GTF3C4: variants seen among roughly 807,000 people sequenced by gnomAD.
GTF3C4 encodes general transcription factor IIIC subunit 4.
In GTF3C4, 28 loss-of-function variants were observed where a neutral mutation model predicts 67.5. The ratio of observed to expected loss-of-function variants is 0.41; its 90% CI spans 0.31 to 0.57. GTF3C4 has a LOEUF of 0.57. Among genes scored for constraint, GTF3C4 ranks in the 20% least tolerant of loss-of-function variants. The probability of loss-of-function intolerance (pLI) is 0.21; values close to 1 mark genes in which losing one functional copy is unlikely to be tolerated. For synonymous variants in GTF3C4, 409 were observed against 393.0 expected, an observed-to-expected ratio of 1.04 and a Z score of -0.48; for missense variants, 831 against 1,033.2, an observed-to-expected ratio of 0.80 and a Z score of 2.68.
intron 2 of GTF3C4, among the ~76,000 whole-genome samples, chr9:132,681,474 T>G (rs1339341882): frequency 6.6e-6 from 1 of 152,212 alleles, no homozygotes; most frequent in Non-Finnish European, 1.5e-5. Flanking sequence ...TGTTGGCTTA[T>G]TAGCAGTTAT....
intron 1 of GTF3C4, 69 bp from the exon 2 acceptor site, chr9:132,677,907 CT>C: frequency 8.1e-7 from 1 of 1,238,254 alleles, no homozygotes; most frequent in Non-Finnish European, 1.1e-6. Flanking sequence ...GACATTCTGA[CT>C]TATTTTAAAA....
At position 132,678,171 on chromosome 9, in the gene GTF3C4, A is replaced by G; in HGVS notation, c.552A>G (p.Ala184=). Residue 184 remains alanine, a synonymous_variant, in exon 2 of 5, where the codon GCA becomes GCG. Transcript: ENST00000372146. The surrounding 1 kb of genome is among the most constrained non-coding windows in gnomAD (Gnocchi z 6.5). ...CDANGRCLLA[A]LTMDNRLTIQ... ...CTAATGGCAGGTGCCTCTTGGCAGCACTGACCATGGACAATCGCCTGACCA... is the reference window on the plus strand; with the variant it reads ...CTAATGGCAGGTGCCTCTTGGCAGCGCTGACCATGGACAATCGCCTGACCA... 6.2e-7 allele frequency: 1 copy of G among 1,614,268 alleles called. No individual in the cohort carries two copies. Among genetic ancestry groups the G allele is most frequent in the South Asian group, 1.1e-5 (1 of 91,088 alleles).
intron 1 of GTF3C4, among the ~76,000 whole-genome samples, chr9:132,676,661 C>T (rs1458546177): frequency 6.6e-6 from 1 of 152,070 alleles, no homozygotes; most frequent in East Asian, 1.9e-4. Context: ...CTCTGATTTT[C>T]TGATACATCC....
Position 132,678,347 on chromosome 9 carries a change from A to G in GTF3C4, c.728A>G (p.His243Arg), listed in dbSNP as rs1835893053. 1 of 1,614,234 alleles carries G rather than the reference A, an allele frequency of 6.2e-7. No individual in the cohort carries two copies. The highest frequency in any genetic ancestry group is 8.5e-7 in the Non-Finnish European group (1 of 1,180,048). Reference protein sequence around the residue: ...LGDFAEFQRRHSMQTPVRMEW... With the variant: ...LGDFAEFQRRRSMQTPVRMEW... ...GATTTTGCTGAGTTTCAGAGGAGACACAGCATGCAGACCCCAGTCAGAATG... is the reference window on the plus strand; with the variant it reads ...GATTTTGCTGAGTTTCAGAGGAGACGCAGCATGCAGACCCCAGTCAGAATG... Residue 243 changes from histidine to arginine, a missense_variant, in exon 2 of 5, where the codon CAC (histidine) becomes CGC (arginine). His to Arg is a conservative substitution (Grantham distance 29). Around this residue, in one of 4 missense-constraint regions of GTF3C4, gnomAD observed 390 missense variants for 540.3 expected, o/e 0.72. Transcript: ENST00000372146. The surrounding 1 kb of genome is among the most constrained non-coding windows in gnomAD (Gnocchi z 6.5).
In GTF3C4 at chr9:132,679,854, T is replaced by C; in HGVS notation, c.2184+51T>C. ...GAAATTGTAAAGCCTGCTTTCTTCA[T>C]GAGAAAGAAATGACCTAAATTGAGT... is the stretch of plus-strand genomic sequence containing the variant. On this transcript the variant is annotated intron_variant, in intron 2 of 4. Coordinates refer to ENST00000372146, the MANE Select transcript of GTF3C4 (RefSeq NM_012204.4). This position sits in a 1 kb window ranked among gnomAD's most constrained non-coding sequence, Gnocchi z 5.9. The C allele has an allele frequency of 6.7e-7, 1 of 1,488,952 alleles. No homozygotes were observed. Among genetic ancestry groups the C allele is most frequent in the Admixed American group, 2.2e-5 (1 of 44,786 alleles). 92.2% of individuals were successfully genotyped at this position (1,488,952 alleles called of 1,614,324 possible).
chr9:132,684,768 A>G (rs140511201), intron 3 of GTF3C4, among the ~76,000 whole-genome samples: 3,217 of 152,244 alleles, frequency 0.021, 112 homozygotes, highest in Non-Finnish European at 0.024. Flanking sequence ...TCCCATTATC[A>G]GTTAGGCCTT....
At chr9:132,688,456 C>T (rs945681271) in intron 4 of GTF3C4, among the ~76,000 whole-genome samples, 2 of 152,128 alleles carry the variant, frequency 1.3e-5, no homozygotes, top group Admixed American at 6.5e-5. Context: ...AGATGAAAGA[C>T]GAGGAGGATT....
chr9:132,674,725 A>G (rs1484589822), intron 1 of GTF3C4, among the ~76,000 whole-genome samples: 2 of 152,264 alleles, frequency 1.3e-5, no homozygotes, highest in Admixed American at 1.3e-4. Flanking sequence ...TTAGCATTAA[A>G]TATCTTATTA....
At chr9:132,671,365 T>A (rs186723118) in intron 1 of GTF3C4, among the ~76,000 whole-genome samples, 38 of 152,214 alleles carry the variant, frequency 2.5e-4, no homozygotes, top group Admixed American at 1.8e-3. Flanking sequence ...TTTCCGAGGT[T>A]CTTGGCTGGC....
chr9:132,670,302 G>A (rs1251686862), upstream of GTF3C4: 24 of 1,500,170 alleles, frequency 1.6e-5, no homozygotes, highest in Non-Finnish European at 2.1e-5. Context: ...AGCACTTTAG[G>A]AACTAAAGCC....
Position 132,678,553 on chromosome 9 carries a change from T to C in GTF3C4, c.934T>C (p.Ser312Pro). 6.2e-7 allele frequency: 1 copy of C among 1,614,060 alleles called. No homozygotes were observed. The highest frequency in any genetic ancestry group is 1.6e-4 in the Middle Eastern group (1 of 6,062). ...CAACACAATTGAGTCAGGAATCACC[T>C]CTCCCAGTGTATTGTTTTGGTGGGA... Reference protein sequence around the residue: ...SCNTIESGITSPSVLFWWEYE... With the variant: ...SCNTIESGITPPSVLFWWEYE... The change falls in exon 2 of 5, where the codon TCT becomes CCT. Residue 312 changes from serine (S) to proline (P), a missense_variant. This residue lies in a region of GTF3C4 where 390 missense variants were observed against 540.3 expected (regional missense o/e 0.72). Transcript: ENST00000372146. This position sits in a 1 kb window ranked among gnomAD's most constrained non-coding sequence, Gnocchi z 6.5.
chr9:132,692,820 A>G lies in GTF3C4; in HGVS notation c.*3875A>G, dbSNP rs1836138966. The G allele has an allele frequency of 6.6e-6, 1 of 152,224 alleles. No individual in the cohort carries two copies. Among genetic ancestry groups the G allele is most frequent in the African/African-American group, 2.4e-5 (1 of 41,462 alleles). The allele number at this position is 152,224 out of a possible 1,614,324, so 9.4% of individuals were successfully genotyped here. ...ATTTTTGCCATTAGTGCAAGTATCA[A>G]CTGGCAGCCTCAAACAGCTTTAGAC... is the stretch of plus-strand genomic sequence containing the variant. On this transcript the variant is annotated 3_prime_UTR_variant, in exon 5 of 5. Transcript: ENST00000372146.
rs373168131 is a variant in GTF3C4 at position 132,670,845 on chromosome 9, G to A, written c.247G>A (p.Ala83Thr). ...SEDHRVSVSTARSIAVLELIC... is the reference protein window; with the variant it reads ...SEDHRVSVSTTRSIAVLELIC... ...GGACCACCGCGTGTCTGTGTCCACG[G>A]CCCGCAGCATCGCTGTGCTGGAGCT... The change falls in exon 1 of 5, where the codon GCC (alanine) becomes ACC (threonine). Residue 83 changes from alanine (A) to threonine (T), a missense_variant. Ala to Thr is a moderately conservative substitution (Grantham distance 58, BLOSUM62 0). This residue lies in a region of GTF3C4 where 237 missense variants were observed against 212.7 expected (regional missense o/e 1.11). Coordinates refer to ENST00000372146, the MANE Select transcript of GTF3C4 (RefSeq NM_012204.4). 4 of 1,610,868 alleles carry A rather than the reference G, an allele frequency of 2.5e-6. No individual in the cohort carries two copies. Among genetic ancestry groups the A allele is most frequent in the African/African-American group, 2.7e-5 (2 of 74,930 alleles).
chr9:132,670,999 T>G, intron 1 of GTF3C4, 44 bp downstream of exon 1: 1 of 1,345,254 alleles, frequency 7.4e-7, no homozygotes, highest in Non-Finnish European at 1.1e-6. Flanking sequence ...CCTGTCCCCC[T>G]CTCGCGGCCG....
intron 1 of GTF3C4, among the ~76,000 whole-genome samples, chr9:132,673,554 G>A (rs981169507): frequency 2.0e-5 from 3 of 152,160 alleles, no homozygotes; most frequent in Non-Finnish European, 4.4e-5. Context: ...TGTGACGGTA[G>A]GAATGTAAAG....
rs1387221677 is a variant in GTF3C4 at position 132,679,117 on chromosome 9, G to A, written c.1498G>A (p.Gly500Ser). Residue 500 changes from glycine to serine, a missense_variant, in exon 2 of 5, where the codon GGC becomes AGC. Transcript: ENST00000372146. This position sits in a 1 kb window ranked among gnomAD's most constrained non-coding sequence, Gnocchi z 5.9. ...CATCACCACTGAGGGCATGATCAAC[G>A]GCCTCCACCCTGTTAACAAAAACTA... The part of the protein sequence containing the change: ...AIITTEGMIN[G>S]LHPVNKNYQV... The A allele has an allele frequency of 6.8e-6, 11 of 1,614,128 alleles. No homozygotes were observed. The highest frequency in any genetic ancestry group is 3.3e-5 in the South Asian group (3 of 91,078).
chr9:132,687,120 A>T, intron 3 of GTF3C4, 119 bp from the exon 4 acceptor site: 2 of 739,770 alleles, frequency 2.7e-6, no homozygotes, highest in Non-Finnish European at 5.0e-6. Context: ...TATGAGTATC[A>T]TGCTTTCATT....
upstream of GTF3C4, chr9:132,670,092 G>A (rs1281916660): frequency 5.1e-6 from 8 of 1,561,764 alleles, no homozygotes; most frequent in Non-Finnish European, 6.1e-6. Flanking sequence ...AGCCGGGGAC[G>A]GCGGCACCGG....
chr9:132,681,930 C>T (rs977267135), intron 2 of GTF3C4, among the ~76,000 whole-genome samples: 1 of 147,614 alleles, frequency 6.8e-6, no homozygotes, highest in African/African-American at 2.5e-5. Context: ...CAAGGCCAGC[C>T]TGAGCAACAT....
Sources: gnomAD v4.1 joint callset for allele counts (sites outside exome capture counted in the v4.1 genomes callset) on GRCh38, gnomAD v4.1.1 for gene constraint, gnomAD v4.1.1 regional missense constraint, Gnocchi (gnomAD v3.1) non-coding constraint, MANE v1.5 for transcripts, NCBI Gene and HGNC (gene_info 2026-07-23, HGNC 2026-07-21) for gene names.